TMEM255B: variants seen among roughly 807,000 people sequenced by gnomAD.
The protein encoded by TMEM255B is family with sequence similarity 70, member B.
TMEM255B carries 35 observed loss-of-function variants against 34.5 expected under a neutral mutation model. That is an observed-to-expected ratio of 1.01 (90% confidence interval 0.77 to 1.34). The LOEUF (loss-of-function observed/expected upper bound fraction) is 1.34, where lower values mean the gene tolerates loss of function less well. TMEM255B is among the 40% of genes most tolerant of loss of function. TMEM255B has a pLI of 0.00. For missense variants in TMEM255B, 432 were observed against 433.2 expected, an observed-to-expected ratio of 1.00 and a Z score of 0.02; for synonymous variants, 206 against 201.2, an observed-to-expected ratio of 1.02 and a Z score of -0.20.
chr13:113,805,969 G>C (rs2051163485), intron 8 of TMEM255B, among the ~76,000 whole-genome samples: 1 of 152,244 alleles, frequency 6.6e-6, no homozygotes, highest in Non-Finnish European at 1.5e-5. Flanking sequence ...ATTAAAGCAG[G>C]CACCGTGATG....
chr13:113,783,348 C>G (rs567898571), intron 3 of TMEM255B, among the ~76,000 whole-genome samples: 2 of 152,196 alleles, frequency 1.3e-5, no homozygotes, highest in Non-Finnish European at 1.5e-5. Flanking sequence ...GGGCCTGCAT[C>G]GTTAGCCACT....
At chr13:113,785,448 A>G (rs1328070633) in intron 3 of TMEM255B, among the ~76,000 whole-genome samples, 2 of 152,240 alleles carry the variant, frequency 1.3e-5, no homozygotes, top group African/African-American at 4.8e-5. Context: ...AGCTGGCACT[A>G]GGGTCTCATG....
At chr13:113,772,312 G>A (rs1451895927) in intron 3 of TMEM255B, among the ~76,000 whole-genome samples, 3 of 152,070 alleles carry the variant, frequency 2.0e-5, no homozygotes, top group African/African-American at 7.2e-5. Context: ...TCTTAATGGT[G>A]TCCTTTGAGG....
At chr13:113,798,648 G>T (rs151084542) in intron 4 of TMEM255B, among the ~76,000 whole-genome samples, 1,788 of 151,664 alleles carry the variant, frequency 0.012, 37 homozygotes, top group African/African-American at 0.04. Context: ...GATGGATGTG[G>T]ATGAATGGAA....
rs1164691688 is a variant in TMEM255B, at chr13:113,814,300, A to G, written c.*2397A>G. On this transcript the variant is annotated 3_prime_UTR_variant, in exon 9 of 9. Transcript: ENST00000375353. ...CACAGGAATAACCCTCCTTCCCCTC[A>G]TGTCAGCCCTCGGTCGCAGGGTGCG... 1.3e-5 allele frequency: 2 copies of G among 152,186 alleles called. No homozygotes were observed. Among genetic ancestry groups the G allele is most frequent in the Non-Finnish European group, 2.9e-5 (2 of 68,060 alleles). 9.4% of individuals were successfully genotyped at this position (152,186 alleles called of 1,614,324 possible).
At chr13:113,807,755 C>T (rs2051210147) in intron 8 of TMEM255B, among the ~76,000 whole-genome samples, 1 of 140,040 alleles carries the variant, frequency 7.1e-6, no homozygotes, top group Non-Finnish European at 1.5e-5. Context: ...GGGGGTAGTC[C>T]TCCCCGTCAC....
chr13:113,764,141 GT>G (rs1479877573), intron 1 of TMEM255B, among the ~76,000 whole-genome samples: 3 of 151,798 alleles, frequency 2.0e-5, no homozygotes, highest in Non-Finnish European at 4.4e-5. Flanking sequence ...GGGCGTGGGC[GT>G]GGGACACGGG....
rs1417800389 is a variant in TMEM255B, at chr13:113,813,978, G to A, written c.*2075G>A. On this transcript the variant is annotated 3_prime_UTR_variant, in exon 9 of 9. Coordinates refer to ENST00000375353, the MANE Select transcript of TMEM255B (RefSeq NM_182614.4). Reference sequence around the variant, plus strand: ...CTGAACAAGCAGCAGAGACCAAGAGGTTTCTGGAGCGCCGGGAGATGCACT... The same window carrying A: ...CTGAACAAGCAGCAGAGACCAAGAGATTTCTGGAGCGCCGGGAGATGCACT... 1 of 152,184 alleles carries A rather than the reference G, an allele frequency of 6.6e-6. No homozygotes were observed. The highest frequency in any genetic ancestry group is 1.9e-4 in the East Asian group (1 of 5,148). 9.4% of individuals were successfully genotyped at this position (152,184 alleles called of 1,614,324 possible).
chr13:113,798,707 A>C (rs1339365308), intron 4 of TMEM255B, among the ~76,000 whole-genome samples: 2 of 143,872 alleles, frequency 1.4e-5, no homozygotes, highest in African/African-American at 2.6e-5. Context: ...GGATGGATGG[A>C]TACATGGATG....
chr13:113,768,901 G>C, intron 2 of TMEM255B, 197 bp from the exon 3 acceptor site: 1 of 679,654 alleles, frequency 1.5e-6, no homozygotes, highest in East Asian at 2.9e-5. Flanking sequence ...GACAGGACAG[G>C]TGATGTTGCA....
Position 113,803,261 on chromosome 13 carries a change from G to A in TMEM255B, c.669+1449G>A, listed in dbSNP as rs762412831. ...ACACCGGCTCCAGGAAGTCTTCCTC[G>A]AACCCAAAGCTCAGGGCTGCAGAGC... On this transcript the variant is annotated intron_variant, in intron 7 of 8. Coordinates refer to ENST00000375353, the MANE Select transcript of TMEM255B (RefSeq NM_182614.4). 5 of 148,160 alleles carry A rather than the reference G, an allele frequency of 3.4e-5. 1 individual carries two copies. Among genetic ancestry groups the A allele is most frequent in the African/African-American group, 7.4e-5 (3 of 40,584 alleles). 9.2% of individuals were successfully genotyped at this position (148,160 alleles called of 1,614,324 possible).
chr13:113,768,135 G>A, intron 2 of TMEM255B: 1 of 459,504 alleles, frequency 2.2e-6, no homozygotes, highest in Admixed American at 2.4e-5. Context: ...TGCCGGGCGG[G>A]CCACCCCTTC....
Position 113,801,756 on chromosome 13 carries a change from C to T in TMEM255B, c.613C>T (p.Leu205=). 6.2e-7 allele frequency: 1 copy of T among 1,613,010 alleles called. No homozygotes were observed. The highest frequency in any genetic ancestry group is 8.5e-7 in the Non-Finnish European group (1 of 1,179,622). The change falls in exon 7 of 9, where the codon CTG becomes TTG. Residue 205 remains leucine (L), a synonymous_variant. Coordinates refer to ENST00000375353, the MANE Select transcript of TMEM255B (RefSeq NM_182614.4). The part of the protein sequence containing the change: ...LLWASAVLNV[L]GLFLGIITAA... ...CTGGGCCTCTGCAGTTCTGAACGTC[C>T]TGGGCCTGTTCCTGGGCATCATCAC...
chr13:113,760,347 AATG>A (rs1252513237), intron 1 of TMEM255B, among the ~76,000 whole-genome samples: 1 of 152,226 alleles, frequency 6.6e-6, no homozygotes, highest in Non-Finnish European at 1.5e-5. Flanking sequence ...GGTGTTTAAT[AATG>A]ATAACTATTA....
At chr13:113,793,721 G>A (rs951520504) in intron 3 of TMEM255B, among the ~76,000 whole-genome samples, 5 of 152,242 alleles carry the variant, frequency 3.3e-5, no homozygotes, top group East Asian at 1.9e-4. Flanking sequence ...ACCCAGACTC[G>A]CAGTGAGGGT....
intron 3 of TMEM255B, among the ~76,000 whole-genome samples, chr13:113,774,213 G>A (rs2050521802): frequency 6.6e-6 from 1 of 151,950 alleles, no homozygotes; most frequent in Non-Finnish European, 1.5e-5. Flanking sequence ...TTCACTTAAG[G>A]GATGAAATCT....
Position 113,782,367 on chromosome 13 carries a change from C to A in TMEM255B, c.253-12781C>A, listed in dbSNP as rs551320206. On this transcript the variant is annotated intron_variant, in intron 3 of 8. Coordinates refer to ENST00000375353, the MANE Select transcript of TMEM255B (RefSeq NM_182614.4). ...GTTTAATTTAATATAACTTTAGATT[C>A]CAAATGATGACAAGTTTGTTTACAA... is the stretch of plus-strand genomic sequence containing the variant. Among the ~76,000 whole-genome samples the A allele has an allele frequency of 7.9e-5, 12 of 152,290 alleles. No individual in the cohort carries two copies. The South Asian group carries it at 2.5e-3, about 32-fold the overall frequency.
intron 3 of TMEM255B, among the ~76,000 whole-genome samples, chr13:113,787,043 G>A (rs189030037): frequency 5.9e-5 from 9 of 152,298 alleles, no homozygotes; most frequent in Middle Eastern, 3.4e-3. Flanking sequence ...CTAGTTGTTC[G>A]TTGTTTCATA....
chr13:113,806,950 C>G lies in TMEM255B; in HGVS notation c.813+1922C>G, dbSNP rs1320039592. Reference sequence around the variant, plus strand: ...GGTGCCAAGAACGTGCAGCCCAGAGCATAGCCTCGGTGGCCCATGCTGTCT... The same window carrying G: ...GGTGCCAAGAACGTGCAGCCCAGAGGATAGCCTCGGTGGCCCATGCTGTCT... On this transcript the variant is annotated intron_variant, in intron 8 of 8. Transcript: ENST00000375353. This position sits in a 1 kb window ranked among gnomAD's most constrained non-coding sequence, Gnocchi z 4.2. Among the ~76,000 whole-genome samples the G allele has an allele frequency of 6.6e-6, 1 of 152,202 alleles. No homozygotes were observed. The highest frequency in any genetic ancestry group is 1.5e-5 in the Non-Finnish European group (1 of 68,014).
Sources: gnomAD v4.1 joint callset for allele counts (sites outside exome capture counted in the v4.1 genomes callset) on GRCh38, gnomAD v4.1.1 for gene constraint, Gnocchi (gnomAD v3.1) non-coding constraint, MANE v1.5 for transcripts, NCBI Gene and HGNC (gene_info 2026-07-23, HGNC 2026-07-21) for gene names.